RYR3: variants seen among roughly 807,000 people sequenced by gnomAD.
The protein encoded by RYR3 is brain ryanodine receptor-calcium release channel.
A neutral mutation model predicts 584.3 loss-of-function variants in RYR3; 207 were observed. The ratio of observed to expected loss-of-function variants is 0.35; its 90% CI spans 0.32 to 0.40. RYR3 has a LOEUF of 0.40. RYR3 is among the 10% of genes least tolerant of loss of function. The probability of loss-of-function intolerance (pLI) is 1.00; values close to 1 mark genes in which losing one functional copy is unlikely to be tolerated. For missense variants in RYR3, 5,616 were observed against 6,089.2 expected, an observed-to-expected ratio of 0.92 and a Z score of 2.59; for synonymous variants, 2,416 against 2,248.5, an observed-to-expected ratio of 1.07 and a Z score of -2.11.
intron 100 of RYR3, 127 bp from the exon 101 acceptor site, chr15:33,860,468 A>G (rs1887769717): frequency 1.8e-6 from 1 of 554,772 alleles, no homozygotes; most frequent in Non-Finnish European, 3.2e-6. Context: ...CACGAGTATT[A>G]TTTTTCTAAT....
At chr15:33,754,437 A>G (rs1342353603) in intron 57 of RYR3, among the ~76,000 whole-genome samples, 2 of 152,220 alleles carry the variant, frequency 1.3e-5, no homozygotes, top group Non-Finnish European at 2.9e-5. Flanking sequence ...CGCAACATGC[A>G]TGCTCCTGCC....
intron 1 of RYR3, among the ~76,000 whole-genome samples, chr15:33,451,005 C>A (rs1384354447): frequency 6.6e-6 from 1 of 152,186 alleles, no homozygotes; most frequent in Admixed American, 6.5e-5. Flanking sequence ...GCACCTGAAA[C>A]AACCCAATGT....
chr15:33,574,826 C>T (rs972684845), intron 12 of RYR3, among the ~76,000 whole-genome samples: 1 of 152,128 alleles, frequency 6.6e-6, no homozygotes, highest in African/African-American at 2.4e-5. Context: ...TTAAAAGACA[C>T]AGAATGGCAA....
intron 1 of RYR3, among the ~76,000 whole-genome samples, chr15:33,358,309 G>T (rs748020301): frequency 7.2e-5 from 11 of 152,188 alleles, no homozygotes; most frequent in Admixed American, 3.3e-4. Context: ...ACCTACTGAG[G>T]CACTGCTGCC....
At position 33,550,407 on chromosome 15, in the gene RYR3, C is replaced by A. The variant is rs2056595257; in HGVS notation, c.972+91C>A. On this transcript the variant is annotated intron_variant, in intron 10 of 103. Coordinates refer to ENST00000634891, the MANE Select transcript of RYR3 (RefSeq NM_001036.6). ...AACTATAACTGGAAAAGAAAGTAGG[C>A]TGGAACAAAGTGAAATTGGAAATTT... 3 of 1,309,672 alleles carry A rather than the reference C, an allele frequency of 2.3e-6. No homozygotes were observed. The African/African-American group carries it at 4.5e-5, about 20-fold the overall frequency. 81.1% of individuals were successfully genotyped at this position (1,309,672 alleles called of 1,614,324 possible).
At chr15:33,364,386 T>C (rs1975188318) in intron 1 of RYR3, among the ~76,000 whole-genome samples, 1 of 152,208 alleles carries the variant, frequency 6.6e-6, no homozygotes, top group Non-Finnish European at 1.5e-5. Flanking sequence ...TGATTATATT[T>C]TACTGAGGCA....
Position 33,708,685 on chromosome 15 carries a change from C to A in RYR3, c.6619+1631C>A, listed in dbSNP as rs1163390762. 2.6e-5 allele frequency among the ~76,000 whole-genome samples: 4 copies of A among 152,262 alleles called. No individual in the cohort carries two copies. In the East Asian group the frequency reaches 7.7e-4, roughly 29 times the overall value. On this transcript the variant is annotated intron_variant, in intron 43 of 103. Coordinates refer to ENST00000634891, the MANE Select transcript of RYR3 (RefSeq NM_001036.6). ...GTGTTATATATATAAAGTTTCGGTG[C>A]CACAAAAGAAATAGCACTTGAATAT...
chr15:33,637,318 A>G (rs1428200907), intron 27 of RYR3, among the ~76,000 whole-genome samples: 1 of 152,230 alleles, frequency 6.6e-6, no homozygotes, highest in East Asian at 1.9e-4. Context: ...TCAGAGAATA[A>G]AAGCATTGAT....
chr15:33,541,861 C>G (rs539626895), intron 7 of RYR3, among the ~76,000 whole-genome samples: 6 of 152,238 alleles, frequency 3.9e-5, no homozygotes, highest in African/African-American at 1.4e-4. Flanking sequence ...AATTAACCCA[C>G]CCTCCTGGGT....
intron 38 of RYR3, among the ~76,000 whole-genome samples, chr15:33,670,901 T>C (rs1377271317): frequency 1.3e-5 from 2 of 152,222 alleles, no homozygotes; most frequent in African/African-American, 4.8e-5. Context: ...ACGATTATTG[T>C]TTCTGTCACT....
chr15:33,378,782 A>C (rs2040940375), intron 1 of RYR3, among the ~76,000 whole-genome samples: 1 of 152,170 alleles, frequency 6.6e-6, no homozygotes, highest in Non-Finnish European at 1.5e-5. Flanking sequence ...TGGGCAATAT[A>C]GCAAGAACCC....
intron 1 of RYR3, among the ~76,000 whole-genome samples, chr15:33,431,923 G>A (rs1327956264): frequency 6.6e-6 from 1 of 152,160 alleles, no homozygotes; most frequent in Non-Finnish European, 1.5e-5. Context: ...GCCAGGAGAC[G>A]TTTTTGCATC....
At chr15:33,426,183 G>C (rs908727805) in intron 1 of RYR3, among the ~76,000 whole-genome samples, 1 of 152,192 alleles carries the variant, frequency 6.6e-6, no homozygotes, top group African/African-American at 2.4e-5. Context: ...AAACTTACGA[G>C]CTTCTTGACA....
rs2062568839 is a variant in RYR3, at chr15:33,652,866, C to T, written c.4291C>T (p.Leu1431=). 5.6e-6 allele frequency: 9 copies of T among 1,611,358 alleles called. No homozygotes were observed. The highest frequency in any genetic ancestry group is 6.8e-6 in the Non-Finnish European group (8 of 1,178,682). The change falls in exon 32 of 104, where the codon CTG becomes TTG. Residue 1431 remains leucine (L), a synonymous_variant. Transcript: ENST00000634891. ...GTCCTTCTCAGCCAATGGAAAGGAACTGGGCACCTGCTACCAGGTAAGGGC... is the reference window on the plus strand; with the variant it reads ...GTCCTTCTCAGCCAATGGAAAGGAATTGGGCACCTGCTACCAGGTAAGGGC... ...MLSFSANGKE[L]GTCYQVEPNT... is the part of the protein sequence containing the mutation.
rs1290433194 is a variant in RYR3 at position 33,773,574 on chromosome 15, C to T, written c.9096C>T (p.Ser3032=). The T allele has an allele frequency of 1.9e-6, 3 of 1,609,656 alleles. No individual in the cohort carries two copies. The Admixed American group carries it at 5.0e-5, about 27-fold the overall frequency. The change falls in exon 64 of 104, where the codon AGC becomes AGT. Residue 3032 remains serine, a synonymous_variant. Transcript: ENST00000634891. ...TTTCATGCTACCACATACTGTGCAG[C>T]CTCTACTCCCTTGGGACGGGAAAGA... ...VQISCYHILC[S]LYSLGTGKNI...
intron 16 of RYR3, among the ~76,000 whole-genome samples, chr15:33,592,009 A>T (rs1374567273): frequency 6.6e-6 from 1 of 152,158 alleles, no homozygotes; most frequent in East Asian, 1.9e-4. Flanking sequence ...TGTGTTTGGG[A>T]TAGACAGTAA....
intron 3 of RYR3, among the ~76,000 whole-genome samples, chr15:33,525,471 T>G (rs1193633946): frequency 6.6e-6 from 1 of 152,242 alleles, no homozygotes; most frequent in Non-Finnish European, 1.5e-5. Context: ...TAAAACTGTA[T>G]TAAATCTGTC....
intron 38 of RYR3, among the ~76,000 whole-genome samples, chr15:33,679,185 A>G (rs926813507): frequency 8.6e-6 from 1 of 116,002 alleles, no homozygotes; most frequent in African/African-American, 3.5e-5. Context: ...CTTCCCTACT[A>G]AATCTAGAGG....
chr15:33,511,607 A>G (rs1182715272), intron 3 of RYR3, among the ~76,000 whole-genome samples: 1 of 143,710 alleles, frequency 7.0e-6, no homozygotes, highest in Non-Finnish European at 1.5e-5. Flanking sequence ...CTCTGCAATT[A>G]AAAAAAAAAA....
Sources: gnomAD v4.1 joint callset for allele counts (sites outside exome capture counted in the v4.1 genomes callset) on GRCh38, gnomAD v4.1.1 for gene constraint, MANE v1.5 for transcripts, NCBI Gene and HGNC (gene_info 2026-07-23, HGNC 2026-07-21) for gene names.